Variants in RPN2 observed in about 807,000 individuals in gnomAD.
RPN2 encodes the protein ribophorin II.
In RPN2, 29 loss-of-function variants were observed where a neutral mutation model predicts 71.4. That is an observed-to-expected ratio of 0.41 (90% CI 0.30 to 0.55). RPN2 has a LOEUF of 0.55. Among genes scored for constraint, RPN2 ranks in the 20% least tolerant of loss-of-function variants. The probability of loss-of-function intolerance (pLI) is 0.35; values close to 1 mark genes in which losing one functional copy is unlikely to be tolerated. For missense variants in RPN2, 726 were observed against 774.1 expected (o/e 0.94, Z 0.74); for synonymous variants, 308 against 305.0 (o/e 1.01, Z -0.10).
intron 1 of RPN2, among the ~76,000 whole-genome samples, chr20:37,181,431 C>CTTTTTT (rs748226554): frequency 1.5e-5 from 2 of 129,450 alleles, no homozygotes; most frequent in East Asian, 2.2e-4. Context: ...TTTTTCTTTT[C>CTTTTTT]TTTTTTTTTT....
chr20:37,187,571 G>A (rs537607452), intron 2 of RPN2, among the ~76,000 whole-genome samples: 80 of 151,586 alleles, frequency 5.3e-4, no homozygotes, highest in Non-Finnish European at 9.4e-4. Flanking sequence ...CTGTCATCTT[G>A]TTATTTGTTT....
intron 2 of RPN2, among the ~76,000 whole-genome samples, chr20:37,198,011 G>A (rs6073647): frequency 0.77 from 116,954 of 152,108 alleles, 45,437 homozygotes; most frequent in Middle Eastern, 0.89. Flanking sequence ...CCTTCATCAG[G>A]TTACTTGCCA....
At chr20:37,199,643 G>A (rs1410376034) in intron 4 of RPN2, among the ~76,000 whole-genome samples, 4 of 152,138 alleles carry the variant, frequency 2.6e-5, no homozygotes, top group African/African-American at 9.7e-5. Flanking sequence ...CAGGATCCCT[G>A]GAAGTTGTGA....
Position 37,236,612 on chromosome 20 carries a change from C to G in RPN2, c.1786C>G (p.Gln596Glu). Residue 596 changes from glutamine to glutamate, a missense_variant, in exon 16 of 17, where the codon CAG becomes GAG. Transcript: ENST00000237530. Reference sequence around the variant, plus strand: ...GGGACTCATGTATGTCTACTGGACTCAGCTCAACATGTTCCAGACCTTGAA... The same window carrying G: ...GGGACTCATGTATGTCTACTGGACTGAGCTCAACATGTTCCAGACCTTGAA... Reference protein sequence around the residue: ...MLGLMYVYWTQLNMFQTLKYL... With the variant: ...MLGLMYVYWTELNMFQTLKYL... 6.2e-7 allele frequency: 1 copy of G among 1,614,108 alleles called. No homozygotes were observed. The highest frequency in any genetic ancestry group is 1.1e-5 in the South Asian group (1 of 91,082).
rs151311325 is a variant in RPN2, at chr20:37,230,013, C to G, written c.1535C>G (p.Ser512Trp). 1 of 1,614,006 alleles carries G rather than the reference C, an allele frequency of 6.2e-7. No individual in the cohort carries two copies. Among genetic ancestry groups the G allele is most frequent in the African/African-American group, 1.3e-5 (1 of 74,890 alleles). Reference sequence around the variant, plus strand: ...AAGTTCCCTGAGGAAGAAGCTCCCTCGACTGTCTTGTCCCAGAACCTTTTC... The same window carrying G: ...AAGTTCCCTGAGGAAGAAGCTCCCTGGACTGTCTTGTCCCAGAACCTTTTC... ...VIKFPEEEAP[S>W]TVLSQNLFTP... The change falls in exon 13 of 17, where the codon TCG becomes TGG. Residue 512 changes from serine (S) to tryptophan (W), a missense_variant. By Grantham distance (177) the Ser-to-Trp change is radical. Coordinates refer to ENST00000237530, the MANE Select transcript of RPN2 (RefSeq NM_002951.5).
In RPN2 at chr20:37,216,393, A is replaced by G. The variant is rs146617116; in HGVS notation, c.1092+2528A>G. Reference sequence around the variant, plus strand: ...GTTTTTTTGCTAGACTGTGTTTTTTATATCTTCTTTAAAACAATCCTGTGC... The same window carrying G: ...GTTTTTTTGCTAGACTGTGTTTTTTGTATCTTCTTTAAAACAATCCTGTGC... On this transcript the variant is annotated intron_variant, in intron 9 of 16. Transcript: ENST00000237530. 1.1e-3 allele frequency among the ~76,000 whole-genome samples: 170 copies of G among 152,310 alleles called. 7 individuals are homozygous for G. The East Asian group carries it at 0.025, about 23-fold the overall frequency.
At chr20:37,185,172 C>T (rs2066980595) in intron 2 of RPN2, among the ~76,000 whole-genome samples, 1 of 145,100 alleles carries the variant, frequency 6.9e-6, no homozygotes, top group Non-Finnish European at 1.5e-5. Flanking sequence ...GAGACAGAGT[C>T]TGGCTCACCC....
chr20:37,225,506 C>T (rs933763730), intron 10 of RPN2, among the ~76,000 whole-genome samples, 182 bp from the exon 11 acceptor site: 4 of 152,198 alleles, frequency 2.6e-5, no homozygotes, highest in Non-Finnish European at 4.4e-5. Flanking sequence ...TTTTCTCAGT[C>T]CAGGCTTTAT....
chr20:37,194,562 A>G (rs568391357), intron 2 of RPN2, among the ~76,000 whole-genome samples: 2 of 152,310 alleles, frequency 1.3e-5, no homozygotes, highest in East Asian at 3.9e-4. Flanking sequence ...ACGCCCAGCC[A>G]GGAAGTTGTA....
intron 8 of RPN2, among the ~76,000 whole-genome samples, chr20:37,211,436 C>A (rs575815340): frequency 1.3e-5 from 2 of 150,696 alleles, no homozygotes; most frequent in African/African-American, 4.9e-5. Context: ...GTCAGGAGCT[C>A]GAGAACAGCC....
Position 37,204,034 on chromosome 20 carries a change from A to G in RPN2, c.555+74A>G, listed in dbSNP as rs970697099. 23 of 1,038,644 alleles carry G rather than the reference A, an allele frequency of 2.2e-5. No homozygotes were observed. The African/African-American group carries it at 2.7e-4, about 12-fold the overall frequency. 64.3% of individuals were successfully genotyped at this position (1,038,644 alleles called of 1,614,324 possible). ...CTGCAGAAGAATCTTGCAGATAGCC[A>G]TGCATGATCTGTTACTACAGGTTAC... On this transcript the variant is annotated intron_variant, in intron 5 of 16. Coordinates refer to ENST00000237530, the MANE Select transcript of RPN2 (RefSeq NM_002951.5).
intron 12 of RPN2, among the ~76,000 whole-genome samples, chr20:37,229,410 G>A (rs985023448): frequency 3.3e-5 from 5 of 152,122 alleles, no homozygotes; most frequent in African/African-American, 9.7e-5. Flanking sequence ...CAATGGGAGC[G>A]GTTGTGTTTT....
intron 2 of RPN2, 122 bp downstream of exon 2, chr20:37,184,495 A>G: frequency 1.1e-6 from 1 of 923,390 alleles, no homozygotes; most frequent in Non-Finnish European, 1.7e-6. Context: ...AGGTTAATCC[A>G]ATATAAGAAA....
intron 7 of RPN2, among the ~76,000 whole-genome samples, chr20:37,208,939 A>G (rs1345917260): frequency 1.3e-5 from 2 of 152,166 alleles, no homozygotes; most frequent in African/African-American, 2.4e-5. Context: ...TTTTCTCCCT[A>G]CATACAACTC....
At chr20:37,241,228 G>A in intron 16 of RPN2, 75 bp from the exon 17 acceptor site, 1 of 1,559,778 alleles carries the variant, frequency 6.4e-7, no homozygotes, top group South Asian at 1.1e-5. Context: ...TAGTCTCTCT[G>A]TTGTCACCAG....
chr20:37,184,513 C>A, intron 2 of RPN2, 140 bp downstream of exon 2: 1 of 852,020 alleles, frequency 1.2e-6, no homozygotes, highest in Non-Finnish European at 1.9e-6. Flanking sequence ...AAATATTTGG[C>A]CAGGCGTGGT....
At chr20:37,218,556 AC>A (rs1258937372) in intron 9 of RPN2, among the ~76,000 whole-genome samples, 10 of 148,850 alleles carry the variant, frequency 6.7e-5, no homozygotes, top group African/African-American at 2.6e-4. Flanking sequence ...AAAAAAAAAA[AC>A]AAAAAAAACA....
intron 15 of RPN2, 137 bp downstream of exon 15, chr20:37,234,232 C>T: frequency 2.3e-6 from 2 of 865,648 alleles, no homozygotes; most frequent in Non-Finnish European, 3.8e-6. Context: ...TCCTCCTGGC[C>T]TTTTAGGACA....
At chr20:37,227,198 C>T (rs1182780481) in intron 11 of RPN2, among the ~76,000 whole-genome samples, 1 of 152,174 alleles carries the variant, frequency 6.6e-6, no homozygotes, top group African/African-American at 2.4e-5. Context: ...CTTAGCATTT[C>T]CCAGCTTCTT....
Sources: allele counts gnomAD v4.1 joint callset (sites outside exome capture counted in the v4.1 genomes callset), GRCh38; gene constraint gnomAD v4.1.1; transcripts MANE v1.5; gene names NCBI Gene and HGNC (gene_info 2026-07-23, HGNC 2026-07-21).